ITSN1: variants seen among roughly 807,000 people sequenced by gnomAD.
The protein encoded by ITSN1 is intersectin-1.
In ITSN1, 58 loss-of-function variants were observed where a neutral mutation model predicts 239.8. That is an observed-to-expected ratio of 0.24 (90% CI 0.20 to 0.30). ITSN1 has a LOEUF of 0.30. Ranked by LOEUF, ITSN1 falls within the 10% of genes least tolerant of loss-of-function variation. The pLI is 1.00. For missense variants in ITSN1, 1,558 were observed against 2,103.3 expected (o/e 0.74, Z 5.07); for synonymous variants, 780 against 770.8 (o/e 1.01, Z -0.20).
intron 1 of ITSN1, among the ~76,000 whole-genome samples, chr21:33,682,770 C>G (rs1455405254): frequency 6.6e-6 from 1 of 152,032 alleles, no homozygotes; most frequent in Non-Finnish European, 1.5e-5. Context: ...GATCCACTCA[C>G]CTCGGCTGCC....
chr21:33,765,241 G>A (rs1196056384), intron 9 of ITSN1, among the ~76,000 whole-genome samples: 1 of 152,204 alleles, frequency 6.6e-6, no homozygotes, highest in Non-Finnish European at 1.5e-5. Context: ...AGCTGGGTAT[G>A]GTGGCTTATG....
chr21:33,670,421 T>A lies in ITSN1; in HGVS notation c.-33+27708T>A, dbSNP rs546365336. On this transcript the variant is annotated intron_variant, in intron 1 of 39. Coordinates refer to ENST00000381318, the MANE Select transcript of ITSN1 (RefSeq NM_003024.3). ...CTAATTTATGATTTGGTTATTAACTTATTTAAAATGAAAAATAAACCCATG... is the reference window on the plus strand; with the variant it reads ...CTAATTTATGATTTGGTTATTAACTAATTTAAAATGAAAAATAAACCCATG... Among the ~76,000 whole-genome samples the A allele has an allele frequency of 5.1e-4, 78 of 152,082 alleles. 2 individuals carry two copies. In the South Asian group the frequency reaches 0.016, roughly 31 times the overall value.
intron 1 of ITSN1, among the ~76,000 whole-genome samples, chr21:33,652,419 G>A (rs1299823638): frequency 6.6e-6 from 1 of 152,120 alleles, no homozygotes. Flanking sequence ...CCTCAGGTAC[G>A]TACAGTTTTG....
chr21:33,677,994 A>G (rs1390401048), intron 1 of ITSN1, among the ~76,000 whole-genome samples: 5 of 152,184 alleles, frequency 3.3e-5, no homozygotes, highest in Non-Finnish European at 7.3e-5. Context: ...ATAAGATCAT[A>G]TTATTCCCTT....
intron 27 of ITSN1, among the ~76,000 whole-genome samples, chr21:33,833,528 C>T (rs2074414439): frequency 6.6e-6 from 1 of 152,194 alleles, no homozygotes; most frequent in Admixed American, 6.5e-5. Flanking sequence ...TACTATTATC[C>T]TTCTGGAATT....
chr21:33,734,327 A>G (rs548819956), intron 4 of ITSN1, among the ~76,000 whole-genome samples: 2 of 152,312 alleles, frequency 1.3e-5, no homozygotes, highest in South Asian at 2.1e-4. Flanking sequence ...AATACTTTAC[A>G]TTAAAGCTCA....
chr21:33,778,015 C>T (rs2069785928), intron 14 of ITSN1, among the ~76,000 whole-genome samples: 2 of 152,026 alleles, frequency 1.3e-5, no homozygotes. Flanking sequence ...TGTTTTTTCC[C>T]CGCATCTATT....
intron 38 of ITSN1, 23 bp from the exon 39 acceptor site, chr21:33,886,264 G>GC: frequency 6.3e-7 from 1 of 1,599,646 alleles, no homozygotes; most frequent in South Asian, 1.1e-5. Context: ...GTTCCACCTG[G>GC]CGAAGGCTTT....
At chr21:33,755,506 G>A (rs1569106598) in intron 8 of ITSN1, 109 bp downstream of exon 8, 4 of 628,352 alleles carry the variant, frequency 6.4e-6, no homozygotes, top group African/African-American at 5.6e-5. Flanking sequence ...TTTCTTGGCA[G>A]TGTTTCCTTT....
chr21:33,804,702 C>G (rs1312369785), intron 20 of ITSN1, among the ~76,000 whole-genome samples: 1 of 152,120 alleles, frequency 6.6e-6, no homozygotes, highest in Non-Finnish European at 1.5e-5. Context: ...ATGAGAAGAC[C>G]TATGCTCACT....
chr21:33,681,433 A>C (rs2090947608), intron 1 of ITSN1, among the ~76,000 whole-genome samples: 1 of 151,976 alleles, frequency 6.6e-6, no homozygotes, highest in Non-Finnish European at 1.5e-5. Flanking sequence ...ACAAAATAGC[A>C]AGAAAGTAAC....
At chr21:33,677,821 A>G (rs758297643) in intron 1 of ITSN1, among the ~76,000 whole-genome samples, 4 of 152,204 alleles carry the variant, frequency 2.6e-5, no homozygotes, top group African/African-American at 4.8e-5. Flanking sequence ...CTTTCTGTCC[A>G]GAATATATCC....
chr21:33,823,028 C>T (rs528124870), intron 24 of ITSN1, among the ~76,000 whole-genome samples: 1 of 152,284 alleles, frequency 6.6e-6, no homozygotes, highest in African/African-American at 2.4e-5. Context: ...AAACCTGTGA[C>T]GTAGTACCCT....
At chr21:33,649,212 G>T (rs569632143) in intron 1 of ITSN1, among the ~76,000 whole-genome samples, 1 of 152,324 alleles carries the variant, frequency 6.6e-6, no homozygotes, top group South Asian at 2.1e-4. Context: ...GAATGTGAAT[G>T]TTGGCCACTT....
chr21:33,791,158 A>G (rs1265790177), intron 16 of ITSN1, among the ~76,000 whole-genome samples: 1 of 152,246 alleles, frequency 6.6e-6, no homozygotes, highest in African/African-American at 2.4e-5. Flanking sequence ...GATTCATGCC[A>G]TAGTAAACTC....
intron 1 of ITSN1, among the ~76,000 whole-genome samples, chr21:33,643,062 G>A (rs1336707696): frequency 6.7e-6 from 1 of 150,108 alleles, no homozygotes; most frequent in Admixed American, 6.6e-5. Flanking sequence ...GGGGACCCCG[G>A]GCGGCCGCTC....
At chr21:33,744,677 A>G (rs2067075192) in intron 5 of ITSN1, among the ~76,000 whole-genome samples, 1 of 152,252 alleles carries the variant, frequency 6.6e-6, no homozygotes, top group Admixed American at 6.5e-5. Context: ...TCAGCAAGGA[A>G]GTTATCAAAG....
intron 29 of ITSN1, among the ~76,000 whole-genome samples, chr21:33,856,244 G>A (rs915249009): frequency 7.9e-5 from 12 of 152,228 alleles, no homozygotes; most frequent in African/African-American, 2.4e-4. Flanking sequence ...TGAAGCAGGA[G>A]TGTGCCGCCT....
chr21:33,696,372 C>G (rs1191259659), intron 1 of ITSN1, among the ~76,000 whole-genome samples: 2 of 152,170 alleles, frequency 1.3e-5, no homozygotes, highest in African/African-American at 4.8e-5. Flanking sequence ...TCCACCAACT[C>G]TAACTGGCAA....
Sources: allele counts gnomAD v4.1 joint callset (sites outside exome capture counted in the v4.1 genomes callset), GRCh38; gene constraint gnomAD v4.1.1; transcripts MANE v1.5; gene names NCBI Gene and HGNC (gene_info 2026-07-23, HGNC 2026-07-21).